MYO10: variants seen among roughly 807,000 people sequenced by gnomAD.
The protein encoded by MYO10 is myosin X, also known as unconventional myosin-X.
MYO10 carries 133 observed loss-of-function variants against 257.3 expected under a neutral mutation model. The observed-to-expected ratio is 0.52, with a 90% CI of 0.45 to 0.60. The LOEUF (loss-of-function observed/expected upper bound fraction) is 0.60, where lower values mean the gene tolerates loss of function less well. MYO10 is among the 20% of genes least tolerant of loss of function. The pLI is 0.00. For synonymous variants in MYO10, 1,104 were observed against 1,028.6 expected, an observed-to-expected ratio of 1.07 and a Z score of -1.40; for missense variants, 2,399 against 2,635.7, an observed-to-expected ratio of 0.91 and a Z score of 1.97.
chr5:16,821,242 T>C (rs527825922), intron 2 of MYO10, among the ~76,000 whole-genome samples: 33 of 149,096 alleles, frequency 2.2e-4, no homozygotes, highest in African/African-American at 8.0e-4. Context: ...GACAATGAAA[T>C]GTGTACATCC....
At chr5:16,837,865 G>A (rs1188341707) in intron 2 of MYO10, among the ~76,000 whole-genome samples, 1 of 152,058 alleles carries the variant, frequency 6.6e-6, no homozygotes, top group South Asian at 2.1e-4. Flanking sequence ...AACAGCAGGT[G>A]CTCACTTCAC....
intron 2 of MYO10, among the ~76,000 whole-genome samples, chr5:16,834,939 G>T (rs373363589): frequency 1.8e-3 from 273 of 152,312 alleles, no homozygotes; most frequent in African/African-American, 6.3e-3. Flanking sequence ...ACTTTGGGAG[G>T]CCGAGGCAGG....
chr5:16,747,918 CAAAAAAAAAAAAAAA>C (rs777257950), intron 19 of MYO10, among the ~76,000 whole-genome samples: 1 of 30,480 alleles, frequency 3.3e-5, no homozygotes, highest in African/African-American at 4.2e-5. Flanking sequence ...AACTCCGTCT[CAAAAAAAAAAAAAAA>C]AAAAAAAAAA....
intron 8 of MYO10, among the ~76,000 whole-genome samples, chr5:16,779,890 C>T (rs981295332): frequency 6.6e-6 from 1 of 152,128 alleles, no homozygotes; most frequent in African/African-American, 2.4e-5. Context: ...TTTGTTTTCT[C>T]TTAAAAAATC....
At chr5:16,789,680 C>T (rs1741696897) in intron 4 of MYO10, among the ~76,000 whole-genome samples, 1 of 152,152 alleles carries the variant, frequency 6.6e-6, no homozygotes, top group African/African-American at 2.4e-5. Context: ...GTAACCCCAG[C>T]TACCTGGGAG....
At chr5:16,916,405 T>TA (rs71596001) in intron 1 of MYO10, 35,813 of 104,052 alleles carry the variant, frequency 0.34, 6,394 homozygotes, top group East Asian at 0.51. Context: ...AGCCATGAAG[T>TA]AAAAAAAAAA....
chr5:16,784,969 T>C (rs1438346323), intron 4 of MYO10, among the ~76,000 whole-genome samples: 1 of 149,648 alleles, frequency 6.7e-6, no homozygotes, highest in South Asian at 2.2e-4. Context: ...AATGTCGTAA[T>C]GTCAAGGGTA....
intron 9 of MYO10, among the ~76,000 whole-genome samples, chr5:16,777,804 T>C (rs1741263041): frequency 6.7e-6 from 1 of 149,738 alleles, no homozygotes; most frequent in African/African-American, 2.5e-5. Context: ...ATGATTAGAA[T>C]GATAATGACG....
chr5:16,781,038 T>G (rs922802957), intron 6 of MYO10, among the ~76,000 whole-genome samples: 3 of 152,124 alleles, frequency 2.0e-5, no homozygotes, highest in Non-Finnish European at 4.4e-5. Context: ...GGAAATTATA[T>G]CAGAGATTTA....
intron 1 of MYO10, among the ~76,000 whole-genome samples, chr5:16,880,706 T>C (rs942218725): frequency 6.6e-6 from 1 of 152,174 alleles, no homozygotes; most frequent in African/African-American, 2.4e-5. Context: ...CCCCCTACTC[T>C]TGCTTCAGCC....
chr5:16,900,422 T>C (rs1008171241), intron 1 of MYO10, among the ~76,000 whole-genome samples: 4 of 152,178 alleles, frequency 2.6e-5, no homozygotes, highest in Admixed American at 1.3e-4. Context: ...GGTTAGACAC[T>C]GTAGTGTGCC....
chr5:16,774,997 C>A (rs1284112247), intron 9 of MYO10, among the ~76,000 whole-genome samples: 2 of 152,140 alleles, frequency 1.3e-5, no homozygotes, highest in Non-Finnish European at 1.5e-5. Flanking sequence ...CAGTGCCAGG[C>A]ACGCTGTAAA....
At chr5:16,686,024 A>C (rs556143730) in intron 28 of MYO10, among the ~76,000 whole-genome samples, 193 bp from the exon 29 acceptor site, 3 of 152,306 alleles carry the variant, frequency 2.0e-5, no homozygotes, top group African/African-American at 7.2e-5. Context: ...AGTACGTGTA[A>C]ATGCCTTTTA....
intron 1 of MYO10, chr5:16,916,218 C>A (rs776059234): frequency 2.2e-6 from 1 of 445,632 alleles, no homozygotes; most frequent in Non-Finnish European, 4.5e-6. Context: ...AAATTATCCA[C>A]TTAGTAAATT....
chr5:16,893,023 A>G lies in MYO10; in HGVS notation c.22-15316T>C, dbSNP rs964586487. ...ATCCTGGCTAACACGGTGAAGCCCC[A>G]TCTCTACTAAAAATACAAAAAAAAT... On this transcript the variant is annotated intron_variant, in intron 1 of 40. Transcript: ENST00000513610. 1.7e-4 allele frequency among the ~76,000 whole-genome samples: 26 copies of G among 151,706 alleles called. 1 individual carries two copies. The highest frequency in any genetic ancestry group is 1.3e-3 in the Admixed American group (19 of 15,200).
chr5:16,738,030 C>G, intron 19 of MYO10: 1 of 860,410 alleles, frequency 1.2e-6, no homozygotes, highest in Non-Finnish European at 1.4e-6. Context: ...ACTAGAAAAT[C>G]TAGAAAACTA....
intron 35 of MYO10, among the ~76,000 whole-genome samples, chr5:16,674,411 A>G (rs27350): frequency 0.34 from 52,145 of 151,950 alleles, 9,078 homozygotes; most frequent in South Asian, 0.42. Flanking sequence ...AGATGTTGCA[A>G]TGAGCCGAGA....
chr5:16,780,623 C>A lies in MYO10; in HGVS notation c.742-15G>T, dbSNP rs1364396960. Reference sequence around the variant, plus strand: ...ACTACTCGGTTCTGGGAAGATAAATCAGATTTATATTCAGAGATGTGTCCT... The same window carrying A: ...ACTACTCGGTTCTGGGAAGATAAATAAGATTTATATTCAGAGATGTGTCCT... On this transcript the variant is annotated splice_polypyrimidine_tract_variant and intron_variant, in intron 7 of 40. Coordinates refer to ENST00000513610, the MANE Select transcript of MYO10 (RefSeq NM_012334.3). 7 of 1,562,456 alleles carry A rather than the reference C, an allele frequency of 4.5e-6. No homozygotes were observed. Among genetic ancestry groups the A allele is most frequent in the East Asian group, 4.6e-5 (2 of 43,388 alleles).
At chr5:16,810,924 C>T (rs1481208655) in intron 3 of MYO10, among the ~76,000 whole-genome samples, 1 of 151,988 alleles carries the variant, frequency 6.6e-6, no homozygotes, top group African/African-American at 2.4e-5. Flanking sequence ...CAAAAATTAG[C>T]CGGGTGTGGT....
Sources: gnomAD v4.1 joint callset for allele counts (sites outside exome capture counted in the v4.1 genomes callset) on GRCh38, gnomAD v4.1.1 for gene constraint, MANE v1.5 for transcripts, NCBI Gene and HGNC (gene_info 2026-07-23, HGNC 2026-07-21) for gene names.